Variants in COL13A1 observed in about 807,000 individuals in gnomAD.
COL13A1 encodes the protein collagen type XIII alpha 1 chain.
A neutral mutation model predicts 130.9 loss-of-function variants in COL13A1; 89 were observed. That is an observed-to-expected ratio of 0.68 (90% CI 0.57 to 0.81). The LOEUF (loss-of-function observed/expected upper bound fraction) is 0.81, where lower values mean the gene tolerates loss of function less well. COL13A1 is among the 30% of genes least tolerant of loss of function. The pLI, the probability that COL13A1 is intolerant of heterozygous loss-of-function variation, is 0.00. For missense variants in COL13A1, 879 were observed against 934.6 expected, an observed-to-expected ratio of 0.94 and a Z score of 0.78; for synonymous variants, 402 against 341.6, an observed-to-expected ratio of 1.18 and a Z score of -1.95.
intron 40 of COL13A1, 40 bp from the exon 41 acceptor site, chr10:69,958,659 A>G (rs755070194): frequency 6.2e-7 from 1 of 1,613,972 alleles, no homozygotes; most frequent in Non-Finnish European, 8.5e-7. Context: ...CTGCAGACCC[A>G]CTGAAACTAA....
chr10:69,820,463 G>A (rs546969307), intron 1 of COL13A1, among the ~76,000 whole-genome samples: 66 of 152,368 alleles, frequency 4.3e-4, no homozygotes, highest in Middle Eastern at 3.4e-3. Flanking sequence ...AGGCCCCCAG[G>A]TGATTGGTGG....
intron 2 of COL13A1, among the ~76,000 whole-genome samples, chr10:69,826,900 T>C (rs1461866821): frequency 6.6e-6 from 1 of 152,172 alleles, no homozygotes; most frequent in Non-Finnish European, 1.5e-5. Flanking sequence ...GTGGAGTATG[T>C]GCTCAAACCC....
rs1414746926 is a variant in COL13A1 at position 69,902,783 on chromosome 10, A to G, written c.786A>G (p.Pro262=). The G allele has an allele frequency of 3.2e-6, 5 of 1,554,894 alleles. No individual in the cohort carries two copies. The East Asian group carries it at 1.2e-4, about 38-fold the overall frequency. ...EQSQASIQGP[P]GPPGPPGPSG... ...GCCAGGCCAGCATCCAAGGTCCACC[A>G]GGGCCCCCAGGCCCCCCTGGACCAA... The change falls in exon 15 of 41, where the codon CCA becomes CCG. Residue 262 remains proline (P), a synonymous_variant. Coordinates refer to ENST00000645393, the MANE Select transcript of COL13A1 (RefSeq NM_001368882.1).
chr10:69,824,083 A>C (rs1250796994), intron 2 of COL13A1: 13 of 471,958 alleles, frequency 2.8e-5, no homozygotes, highest in South Asian at 2.0e-4. Flanking sequence ...TTCCATCTCC[A>C]ACATGGACCA....
chr10:69,922,938 C>A, intron 23 of COL13A1, 144 bp downstream of exon 23: 1 of 557,144 alleles, frequency 1.8e-6, no homozygotes, highest in Non-Finnish European at 3.1e-6. Context: ...CCATGGATTC[C>A]AAAAAGGCCA....
intron 2 of COL13A1, among the ~76,000 whole-genome samples, chr10:69,836,815 C>T (rs1377756370): frequency 2.0e-5 from 3 of 152,206 alleles, no homozygotes; most frequent in African/African-American, 7.2e-5. Flanking sequence ...TCCCTCAGTG[C>T]CTGCCTTCCT....
intron 2 of COL13A1, among the ~76,000 whole-genome samples, chr10:69,850,316 C>T (rs1854387253): frequency 6.7e-6 from 1 of 149,324 alleles, no homozygotes; most frequent in Non-Finnish European, 1.5e-5. Flanking sequence ...GGGTTCAAAT[C>T]CCAGCTCTGG....
intron 9 of COL13A1, 51 bp downstream of exon 9, chr10:69,888,381 C>T: frequency 6.3e-7 from 1 of 1,595,568 alleles, no homozygotes; most frequent in Non-Finnish European, 8.6e-7. Context: ...TCCTGGATCT[C>T]TTGGTCATTC....
intron 38 of COL13A1, among the ~76,000 whole-genome samples, chr10:69,948,124 G>A (rs1394892952): frequency 1.3e-5 from 2 of 152,184 alleles, no homozygotes; most frequent in African/African-American, 4.8e-5. Context: ...GTGTCTCCTA[G>A]CGGGTCCTAA....
chr10:69,820,475 G>A (rs1845777114), intron 1 of COL13A1, among the ~76,000 whole-genome samples: 1 of 152,252 alleles, frequency 6.6e-6, no homozygotes, highest in Admixed American at 6.5e-5. Context: ...GATTGGTGGG[G>A]AGGGATGTGG....
chr10:69,872,357 G>GAC, intron 4 of COL13A1, 147 bp downstream of exon 4: 1 of 898,376 alleles, frequency 1.1e-6, no homozygotes, highest in Non-Finnish European at 1.7e-6. Context: ...ATAGCTTAGG[G>GAC]TGAAGTCACC....
chr10:69,887,390 G>A, intron 7 of COL13A1, 66 bp from the exon 8 acceptor site: 1 of 1,518,146 alleles, frequency 6.6e-7, no homozygotes, highest in Non-Finnish European at 9.1e-7. Flanking sequence ...ATGAACTGGA[G>A]GCCTAGGGAT....
At chr10:69,950,208 T>C (rs2069287153) in intron 38 of COL13A1, among the ~76,000 whole-genome samples, 1 of 152,136 alleles carries the variant, frequency 6.6e-6, no homozygotes, top group Non-Finnish European at 1.5e-5. Context: ...TTACTTATGT[T>C]TTTAAGAAGC....
intron 29 of COL13A1, 81 bp downstream of exon 29, chr10:69,930,168 A>T: frequency 6.8e-7 from 1 of 1,466,278 alleles, no homozygotes; most frequent in East Asian, 2.3e-5. Flanking sequence ...AAGGCTCTAG[A>T]ATTGGCCCTG....
intron 33 of COL13A1, among the ~76,000 whole-genome samples, chr10:69,937,055 C>T (rs1421143861): frequency 2.0e-5 from 3 of 152,210 alleles, no homozygotes; most frequent in Non-Finnish European, 4.4e-5. Context: ...ATCAAACCTG[C>T]CCTGGCCCCT....
At chr10:69,938,383 C>T (rs2067216508) in intron 34 of COL13A1, among the ~76,000 whole-genome samples, 1 of 152,266 alleles carries the variant, frequency 6.6e-6, no homozygotes, top group South Asian at 2.1e-4. Context: ...CACCACCCTC[C>T]CTGGAGCCCG....
intron 2 of COL13A1, among the ~76,000 whole-genome samples, chr10:69,850,863 C>T (rs572598747): frequency 6.6e-6 from 1 of 152,250 alleles, no homozygotes; most frequent in Non-Finnish European, 1.5e-5. Context: ...GGGGGCCAGG[C>T]CATGAAGGGG....
chr10:69,938,067 A>G (rs2067171914), intron 34 of COL13A1, among the ~76,000 whole-genome samples: 1 of 152,244 alleles, frequency 6.6e-6, no homozygotes, highest in Admixed American at 6.5e-5. Context: ...GTAGTGGGAC[A>G]AGAAGATAGT....
intron 37 of COL13A1, among the ~76,000 whole-genome samples, chr10:69,946,995 G>C (rs911301486): frequency 6.6e-6 from 1 of 152,028 alleles, no homozygotes; most frequent in Admixed American, 6.5e-5. Context: ...TCACCTCGTT[G>C]GCCAGGATGG....
Sources: allele counts gnomAD v4.1 joint callset (sites outside exome capture counted in the v4.1 genomes callset), GRCh38; gene constraint gnomAD v4.1.1; transcripts MANE v1.5; gene names NCBI Gene and HGNC (gene_info 2026-07-23, HGNC 2026-07-21).